Variants in APOOL observed in about 807,000 individuals in gnomAD.
APOOL encodes MICOS complex subunit MIC27.
APOOL carries 12 observed loss-of-function variants against 23.1 expected under a neutral mutation model. That is an observed-to-expected ratio of 0.52 (90% confidence interval 0.33 to 0.84). APOOL has a LOEUF of 0.84. APOOL is among the 40% of genes least tolerant of loss of function. The pLI, the probability that APOOL is intolerant of heterozygous loss-of-function variation, is 0.02. For synonymous variants in APOOL, 77 were observed against 69.9 expected (o/e 1.10, Z -0.51); for missense variants, 212 against 199.6 (o/e 1.06, Z -0.37).
intron 1 of APOOL, among the ~76,000 whole-genome samples, chrX:85,009,083 C>CT (rs1272614917): frequency 9.0e-6 from 1 of 111,368 alleles, no homozygotes; most frequent in African/African-American, 3.3e-5. Context: ...AATGTAACTG[C>CT]TTTTTTGTAT....
intron 8 of APOOL, among the ~76,000 whole-genome samples, chrX:85,086,704 AT>A (rs995127451): frequency 7.9e-4 from 81 of 102,750 alleles, no homozygotes; most frequent in African/African-American, 8.1e-4. Context: ...GCCAAGAGTG[AT>A]TTTTTTTTTT....
chrX:85,069,369 A>G (rs1923579831), intron 6 of APOOL, among the ~76,000 whole-genome samples: 1 of 110,673 alleles, frequency 9.0e-6, no homozygotes, highest in South Asian at 3.8e-4. Flanking sequence ...ATAAAAATGT[A>G]TACCCACAAT....
intron 1 of APOOL, among the ~76,000 whole-genome samples, chrX:85,036,348 G>A (rs962011566): frequency 8.9e-6 from 1 of 111,921 alleles, no homozygotes; most frequent in Non-Finnish European, 1.9e-5. Context: ...AACTTCGCTG[G>A]AGTTGTTTAT....
Position 85,055,940 on chromosome X carries a change from A to C in APOOL, c.394+15A>C. The C allele has an allele frequency of 8.8e-7, 1 of 1,131,319 alleles. No individual in the cohort carries two copies. The highest frequency in any genetic ancestry group is 1.2e-6 in the Non-Finnish European group (1 of 838,096). The allele number at this position is 1,131,319 out of a possible 1,213,427, so 93.2% of individuals were successfully genotyped here. A position where few individuals can be genotyped will look rare whatever the true frequency, so the allele number is the denominator to read the frequency against. ...AGCGAGAAAAGGTAGGGTTTTAAAA[A>C]ATATATTCTCTCTTAATGCCATGAT... On this transcript the variant is annotated intron_variant, in intron 5 of 8. Coordinates refer to ENST00000373173, the MANE Select transcript of APOOL (RefSeq NM_198450.6).
intron 8 of APOOL, among the ~76,000 whole-genome samples, chrX:85,084,427 G>T (rs761102886): frequency 2.7e-5 from 3 of 109,997 alleles, no homozygotes; most frequent in African/African-American, 9.9e-5. Flanking sequence ...GAGCTACCAC[G>T]CCTGGCCTTT....
intron 8 of APOOL, among the ~76,000 whole-genome samples, chrX:85,075,945 A>G (rs1156237861): frequency 6.3e-5 from 7 of 111,754 alleles, no homozygotes; most frequent in Admixed American, 9.6e-5. Context: ...TATTTCTCAC[A>G]GTTCTAGAGA....
intron 1 of APOOL, among the ~76,000 whole-genome samples, chrX:85,028,591 A>G (rs778139225): frequency 9.2e-6 from 1 of 108,761 alleles, no homozygotes; most frequent in Non-Finnish European, 1.9e-5. Flanking sequence ...GTTATTATTG[A>G]CTCTAGTCGC....
chrX:85,087,439 A>G, intron 8 of APOOL, 151 bp from the exon 9 acceptor site: 4 of 451,390 alleles, frequency 8.9e-6, no homozygotes, highest in Non-Finnish European at 1.5e-5. Flanking sequence ...CATCTGATAT[A>G]TATTTAATTA....
chrX:85,041,707 T>G (rs764287770), intron 1 of APOOL, among the ~76,000 whole-genome samples: 1 of 111,391 alleles, frequency 9.0e-6, no homozygotes, highest in Admixed American at 9.5e-5. Flanking sequence ...TGTGTCAGTC[T>G]GGAGGCCTTG....
chrX:85,093,003 C>T lies in APOOL; in HGVS notation c.*5325C>T. On this transcript the variant is annotated 3_prime_UTR_variant, in exon 9 of 9. Coordinates refer to ENST00000373173, the MANE Select transcript of APOOL (RefSeq NM_198450.6). The stretch of plus-strand genomic sequence containing the variant: ...TTATATATAAATCAATTTTAATTGA[C>T]TATAATTCATATACTGTATATGATC... 2.5e-6 allele frequency: 1 copy of T among 401,356 alleles called. No homozygotes were observed. 33.1% of individuals were successfully genotyped at this position (401,356 alleles called of 1,213,427 possible). A position where few individuals can be genotyped will look rare whatever the true frequency, so the allele number is the denominator to read the frequency against.
At chrX:85,011,700 G>C (rs187897715) in intron 1 of APOOL, among the ~76,000 whole-genome samples, 1 of 111,630 alleles carries the variant, frequency 9.0e-6, no homozygotes, top group East Asian at 2.8e-4. Flanking sequence ...ATTGGTCTAC[G>C]TGCCTACTTT....
intron 1 of APOOL, among the ~76,000 whole-genome samples, chrX:85,005,479 A>T (rs1293811508): frequency 2.0e-5 from 2 of 97,855 alleles, no homozygotes; most frequent in Non-Finnish European, 4.0e-5. Context: ...TATTTTAATA[A>T]CTCTTGTTTG....
At chrX:85,067,627 A>AAC (rs758966009) in intron 6 of APOOL, among the ~76,000 whole-genome samples, 38,266 of 90,052 alleles carry the variant, frequency 0.42, 6,949 homozygotes, top group South Asian at 0.55. Flanking sequence ...CTGAAGGTAA[A>AAC]ACACACACAC....
At chrX:85,026,014 G>A (rs1173473527) in intron 1 of APOOL, among the ~76,000 whole-genome samples, 3 of 113,282 alleles carry the variant, frequency 2.6e-5, no homozygotes, top group Non-Finnish European at 5.6e-5. Flanking sequence ...TTCTCTGTGA[G>A]GGCTCCACCT....
intron 8 of APOOL, among the ~76,000 whole-genome samples, chrX:85,076,317 A>G (rs1923834294): frequency 9.0e-6 from 1 of 110,690 alleles, no homozygotes; most frequent in African/African-American, 3.3e-5. Flanking sequence ...CATATGTAGA[A>G]TAAAACATTT....
intron 8 of APOOL, among the ~76,000 whole-genome samples, chrX:85,087,033 C>A (rs1337808697): frequency 1.8e-5 from 2 of 111,270 alleles, no homozygotes; most frequent in African/African-American, 6.5e-5. Flanking sequence ...ATCATTCACT[C>A]CTCTACTCAA....
At chrX:85,059,485 G>A (rs1307140251) in intron 5 of APOOL, among the ~76,000 whole-genome samples, 1 of 109,990 alleles carries the variant, frequency 9.1e-6, no homozygotes, top group Non-Finnish European at 1.9e-5. Flanking sequence ...CTAGTTTACA[G>A]TCCCACCAAC....
intron 8 of APOOL, among the ~76,000 whole-genome samples, chrX:85,075,021 CCATTTT>C (rs1923792136): frequency 1.8e-5 from 2 of 110,150 alleles, no homozygotes; most frequent in South Asian, 7.7e-4. Flanking sequence ...GTGTTTAATA[CCATTTT>C]GACAATGTAT....
At chrX:85,015,229 G>A (rs1921424655) in intron 1 of APOOL, among the ~76,000 whole-genome samples, 1 of 110,476 alleles carries the variant, frequency 9.1e-6, no homozygotes, top group African/African-American at 3.3e-5. Context: ...TTCATATCCT[G>A]TATTTTTTAA....
Sources: gnomAD v4.1 joint callset for allele counts (sites outside exome capture counted in the v4.1 genomes callset) on GRCh38, gnomAD v4.1.1 for gene constraint, MANE v1.5 for transcripts, NCBI Gene and HGNC (gene_info 2026-07-23, HGNC 2026-07-21) for gene names.